DAAM1: variants seen among roughly 807,000 people sequenced by gnomAD.
DAAM1 encodes the protein dishevelled associated activator of morphogenesis 1, also known as disheveled-associated activator of morphogenesis 1.
Under a neutral mutation model 130.0 loss-of-function variants are expected in DAAM1, and 52 were observed. The observed-to-expected ratio is 0.40, with a 90% confidence interval of 0.32 to 0.50. DAAM1 has a LOEUF of 0.50. Ranked by LOEUF, DAAM1 falls within the 20% of genes least tolerant of loss-of-function variation. The pLI, the probability that DAAM1 is intolerant of heterozygous loss-of-function variation, is 0.61. For synonymous variants in DAAM1, 452 were observed against 444.5 expected (o/e 1.02, Z -0.21); for missense variants, 1,134 against 1,303.8 (o/e 0.87, Z 2.01).
chr14:59,240,894 G>A (rs1464080025), intron 1 of DAAM1, among the ~76,000 whole-genome samples: 1 of 152,270 alleles, frequency 6.6e-6, no homozygotes, highest in Non-Finnish European at 1.5e-5. Context: ...ATCACATGGT[G>A]AAGGAGATGG....
At chr14:59,273,096 C>T (rs1399299330) in intron 2 of DAAM1, among the ~76,000 whole-genome samples, 1 of 152,158 alleles carries the variant, frequency 6.6e-6, no homozygotes, top group Non-Finnish European at 1.5e-5. Flanking sequence ...TGGTTGAAGT[C>T]CTGTCTGCTT....
rs147080706 is a variant in DAAM1, at chr14:59,285,469, C to T, written c.184-5748C>T. Reference sequence around the variant, plus strand: ...CTGAATGTAAACAGGCTAAATGTCCCGCTCAAAAGGCATGGAGTAGCAATT... The same window carrying T: ...CTGAATGTAAACAGGCTAAATGTCCTGCTCAAAAGGCATGGAGTAGCAATT... On this transcript the variant is annotated intron_variant, in intron 2 of 24. Coordinates refer to ENST00000360909, the MANE Select transcript of DAAM1 (RefSeq NM_001270520.2). 2.4e-3 allele frequency among the ~76,000 whole-genome samples: 369 copies of T among 152,216 alleles called. 1 individual carries two copies. Among genetic ancestry groups the T allele is most frequent in the African/African-American group, 8.0e-3 (333 of 41,546 alleles).
chr14:59,231,685 C>G (rs531342586), intron 1 of DAAM1, among the ~76,000 whole-genome samples: 1 of 152,224 alleles, frequency 6.6e-6, no homozygotes, highest in South Asian at 2.1e-4. Context: ...AGTAATAAAA[C>G]TCACATCACC....
rs571521605 is a variant in DAAM1 at position 59,331,069 on chromosome 14, G to A, written c.1561-140G>A. On this transcript the variant is annotated intron_variant, in intron 13 of 24. Transcript: ENST00000360909. ...CATAAAGGCCCAAAAGAGTCCATTCGACTTTACCGATCCTTTAAACATTCT... is the reference window on the plus strand; with the variant it reads ...CATAAAGGCCCAAAAGAGTCCATTCAACTTTACCGATCCTTTAAACATTCT... The A allele has an allele frequency of 2.5e-5, 35 of 1,415,182 alleles. 1 individual carries two copies. The Admixed American group carries it at 3.7e-4, about 15-fold the overall frequency. 87.7% of individuals were successfully genotyped at this position (1,415,182 alleles called of 1,614,324 possible). A position where few individuals can be genotyped will look rare whatever the true frequency, so the allele number is the denominator to read the frequency against.
intron 1 of DAAM1, among the ~76,000 whole-genome samples, chr14:59,196,486 G>A (rs1887893866): frequency 6.6e-6 from 1 of 152,216 alleles, no homozygotes; most frequent in Admixed American, 6.5e-5. Flanking sequence ...GCTCACGCCT[G>A]TAATCCCAGC....
rs150600380 is a variant in DAAM1, at chr14:59,331,436, A to G, written c.1788A>G (p.Leu596=). 1.0e-3 allele frequency: 1,678 copies of G among 1,613,824 alleles called. 12 individuals are homozygous for G. The African/African-American group carries it at 0.018, about 18-fold the overall frequency. ...CACCTCCTGGTGCTCCAATGGGCCT[A>G]GCACTGAAGAAGAAAAGCATTCCTC... ...IMPPPGAPMG[L]ALKKKSIPQP... Residue 596 remains leucine (L), a synonymous_variant, in exon 14 of 25, where the codon CTA becomes CTG. Transcript: ENST00000360909.
chr14:59,326,384 G>A, intron 10 of DAAM1, 126 bp from the exon 11 acceptor site: 1 of 931,916 alleles, frequency 1.1e-6, no homozygotes, highest in African/African-American at 1.7e-5. Context: ...ACTTTGGGAA[G>A]CATTGGTGCA....
At chr14:59,316,464 GAAT>G (rs1318145959) in intron 4 of DAAM1, among the ~76,000 whole-genome samples, 1 of 152,060 alleles carries the variant, frequency 6.6e-6, no homozygotes, top group African/African-American at 2.4e-5. Context: ...GTCATACAAT[GAAT>G]AATAAACAGC....
At chr14:59,243,584 A>C (rs1881224430) in intron 1 of DAAM1, among the ~76,000 whole-genome samples, 1 of 152,110 alleles carries the variant, frequency 6.6e-6, no homozygotes, top group Non-Finnish European at 1.5e-5. Flanking sequence ...TGATTCTCTG[A>C]ACTTTTATCT....
chr14:59,232,705 C>T (rs1566660188), intron 1 of DAAM1, among the ~76,000 whole-genome samples: 1 of 150,744 alleles, frequency 6.6e-6, no homozygotes, highest in Non-Finnish European at 1.5e-5. Context: ...TATACATGTG[C>T]CATGGTGGTT....
chr14:59,350,646 C>T (rs1354521621), intron 17 of DAAM1, among the ~76,000 whole-genome samples: 1 of 152,090 alleles, frequency 6.6e-6, no homozygotes, highest in East Asian at 1.9e-4. Flanking sequence ...TTGCAACTTC[C>T]CTGTTGCCGG....
At chr14:59,358,919 G>C (rs567107269) in intron 20 of DAAM1, among the ~76,000 whole-genome samples, 1 of 150,874 alleles carries the variant, frequency 6.6e-6, no homozygotes, top group African/African-American at 2.4e-5. Flanking sequence ...TGCCCTTTTC[G>C]GTGGAATAAA....
chr14:59,323,374 AGGTT>A, intron 6 of DAAM1, 149 bp downstream of exon 6: 1 of 875,524 alleles, frequency 1.1e-6, no homozygotes, highest in Non-Finnish European at 1.7e-6. Context: ...CCTTCTTCTT[AGGTT>A]TAAGAACCAG....
intron 1 of DAAM1, among the ~76,000 whole-genome samples, chr14:59,225,316 G>T (rs913772718): frequency 2.5e-4 from 38 of 152,060 alleles, no homozygotes; most frequent in Non-Finnish European, 3.4e-4. Flanking sequence ...ATAAGCCACC[G>T]TGCCCAACCA....
chr14:59,263,339 GT>G, intron 1 of DAAM1, 101 bp from the exon 2 acceptor site: 1 of 979,100 alleles, frequency 1.0e-6, no homozygotes, highest in Non-Finnish European at 1.5e-6. Flanking sequence ...GGCGCACACA[GT>G]GTCGTCAGCA....
At position 59,204,431 on chromosome 14, in the gene DAAM1, G is replaced by A. The variant is rs561176613; in HGVS notation, c.-38+15663G>A. Among the ~76,000 whole-genome samples, 159 of 152,150 alleles carry A rather than the reference G, an allele frequency of 1.0e-3. 3 individuals are homozygous for A. Among genetic ancestry groups the A allele is most frequent in the Non-Finnish European group, 1.1e-3 (78 of 68,028 alleles). On this transcript the variant is annotated intron_variant, in intron 1 of 24. Coordinates refer to ENST00000360909, the MANE Select transcript of DAAM1 (RefSeq NM_001270520.2). ...GGATGTTTGCTTTCTTCCATGCCAC[G>A]TGGAGAACATCTCTCTGATTTTTTT... is the stretch of plus-strand genomic sequence containing the variant.
At chr14:59,209,552 T>G (rs1888366022) in intron 1 of DAAM1, among the ~76,000 whole-genome samples, 1 of 152,218 alleles carries the variant, frequency 6.6e-6, no homozygotes, top group South Asian at 2.1e-4. Flanking sequence ...ATTCTATTTT[T>G]CATTTTCAAT....
At chr14:59,240,516 A>G (rs1447310626) in intron 1 of DAAM1, among the ~76,000 whole-genome samples, 2 of 152,178 alleles carry the variant, frequency 1.3e-5, no homozygotes, top group South Asian at 2.1e-4. Context: ...ACTGAGGCCC[A>G]GTATATCTAG....
intron 1 of DAAM1, among the ~76,000 whole-genome samples, chr14:59,242,999 T>C (rs1481672580): frequency 6.6e-6 from 1 of 152,228 alleles, no homozygotes; most frequent in Non-Finnish European, 1.5e-5. Flanking sequence ...ATATTCATTA[T>C]ATAATGTGAT....
Sources: allele counts gnomAD v4.1 joint callset (sites outside exome capture counted in the v4.1 genomes callset), GRCh38; gene constraint gnomAD v4.1.1; transcripts MANE v1.5; gene names NCBI Gene and HGNC (gene_info 2026-07-23, HGNC 2026-07-21).